CNTNAP3B: variants seen among roughly 807,000 people sequenced by gnomAD.
CNTNAP3B encodes contactin associated protein family member 3B, also known as contactin-associated protein-like 3B.
In CNTNAP3B, 25 loss-of-function variants were observed where a neutral mutation model predicts 108.9. The observed-to-expected ratio is 0.23, with a 90% confidence interval of 0.17 to 0.32. The LOEUF is 0.32. Ranked by LOEUF, CNTNAP3B falls within the 10% of genes least tolerant of loss-of-function variation. CNTNAP3B has a pLI of 1.00. For synonymous variants in CNTNAP3B, 103 were observed against 473.4 expected, an observed-to-expected ratio of 0.22 and a Z score of 10.16; for missense variants, 252 against 1,210.4, an observed-to-expected ratio of 0.21 and a Z score of 11.75.
Position 41,953,235 on chromosome 9 carries a change from G to A in CNTNAP3B, c.2028C>T (p.Cys676=), listed in dbSNP as rs2935317. The change falls in exon 13 of 24, where the codon TGC becomes TGT. Residue 676 remains cysteine (C), a synonymous_variant. Coordinates refer to ENST00000377561, the MANE Select transcript of CNTNAP3B (RefSeq NM_001201380.3). ...LRAAVNLAER[C]EQRLALRCGT... is the part of the protein sequence containing the mutation. ...CGCAGCGCAGAGCCAGCCGCTGCTC[G>A]CAGCGCTCCGCCAGGTTCACCGCGG... The A allele has an allele frequency of 7.2e-6, 11 of 1,527,632 alleles. No homozygotes were observed. Among genetic ancestry groups the A allele is most frequent in the South Asian group, 2.4e-5 (2 of 83,424 alleles). 94.6% of individuals were successfully genotyped at this position (1,527,632 alleles called of 1,614,324 possible). A position where few individuals can be genotyped will look rare whatever the true frequency, so the allele number is the denominator to read the frequency against.
At chr9:42,096,002 C>A (rs1219593451) in intron 2 of CNTNAP3B, among the ~76,000 whole-genome samples, 1 of 138,698 alleles carries the variant, frequency 7.2e-6, no homozygotes, top group Non-Finnish European at 1.5e-5. Context: ...TCTCCTCCCT[C>A]TGCCAGACCT....
chr9:41,930,881 T>A (rs1285083249), intron 14 of CNTNAP3B, among the ~76,000 whole-genome samples: 3 of 152,248 alleles, frequency 2.0e-5, no homozygotes, highest in Admixed American at 6.5e-5. Flanking sequence ...TAACTGTATA[T>A]GTAATAAATA....
chr9:42,118,244 T>C lies in CNTNAP3B; in HGVS notation c.85+10766A>G, dbSNP rs1828368689. On this transcript the variant is annotated intron_variant, in intron 1 of 23. Coordinates refer to ENST00000377561, the MANE Select transcript of CNTNAP3B (RefSeq NM_001201380.3). The stretch of plus-strand genomic sequence containing the variant: ...AACAAAAAAGAGAATTTTAGACCAA[T>C]ATCCTTGATGAACATTGATGCAAAA... 1.4e-5 allele frequency among the ~76,000 whole-genome samples: 2 copies of C among 139,384 alleles called. 1 individual carries two copies. The highest frequency in any genetic ancestry group is 5.7e-5 in the African/African-American group (2 of 35,076). The allele number at this position is 139,384 out of a possible 152,430, so 91.4% of individuals were successfully genotyped here. A position where few individuals can be genotyped will look rare whatever the true frequency, so the allele number is the denominator to read the frequency against.
At chr9:41,934,480 CA>C (rs1824094286) in intron 14 of CNTNAP3B, among the ~76,000 whole-genome samples, 1 of 152,394 alleles carries the variant, frequency 6.6e-6, no homozygotes, top group East Asian at 1.9e-4. Flanking sequence ...CTCGGCCTCC[CA>C]AAGTGCTGGG....
At chr9:41,943,494 A>C (rs1374390419) in intron 13 of CNTNAP3B, among the ~76,000 whole-genome samples, 1 of 152,074 alleles carries the variant, frequency 6.6e-6, no homozygotes, top group African/African-American at 2.4e-5. Context: ...CTGGGACTAC[A>C]GGCGCCTGCC....
intron 13 of CNTNAP3B, among the ~76,000 whole-genome samples, chr9:41,943,070 A>G (rs1190631373): frequency 1.3e-5 from 2 of 152,292 alleles, no homozygotes; most frequent in Non-Finnish European, 2.9e-5. Flanking sequence ...ATAATAATCA[A>G]TATGCTAAGG....
intron 13 of CNTNAP3B, among the ~76,000 whole-genome samples, chr9:41,941,770 A>G (rs1824350959): frequency 1.3e-5 from 2 of 149,784 alleles, no homozygotes; most frequent in South Asian, 2.1e-4. Flanking sequence ...GTAACTGACT[A>G]ATTGATGGAT....
chr9:41,963,948 C>A (rs1357953264), intron 11 of CNTNAP3B, among the ~76,000 whole-genome samples: 3 of 151,850 alleles, frequency 2.0e-5, no homozygotes, highest in Admixed American at 1.3e-4. Flanking sequence ...AATACTTTTA[C>A]AATTATTCAC....
At chr9:41,927,225 TG>T (rs1823846073) in intron 15 of CNTNAP3B, among the ~76,000 whole-genome samples, 1 of 150,934 alleles carries the variant, frequency 6.6e-6, no homozygotes. Context: ...AAGAAGTATG[TG>T]TCTGATTGTG....
At chr9:41,952,943 A>G (rs1824736720) in intron 13 of CNTNAP3B, among the ~76,000 whole-genome samples, 1 of 152,150 alleles carries the variant, frequency 6.6e-6, no homozygotes, top group Non-Finnish European at 1.5e-5. Flanking sequence ...CCCTTGATTA[A>G]GAAAGGACAA....
chr9:41,930,953 G>A (rs1188507828), intron 14 of CNTNAP3B, among the ~76,000 whole-genome samples: 3 of 152,182 alleles, frequency 2.0e-5, no homozygotes, highest in African/African-American at 7.2e-5. Context: ...TATACTTTTG[G>A]TTATATTTTA....
intron 13 of CNTNAP3B, 93 bp downstream of exon 13, chr9:41,953,090 G>C: frequency 7.6e-7 from 1 of 1,311,642 alleles, no homozygotes; most frequent in Non-Finnish European, 1.0e-6. Context: ...CCACGGGAGG[G>C]ACCCTGGCCT....
At chr9:41,934,122 T>TATATATATATATACACACAC (rs1214326050) in intron 14 of CNTNAP3B, among the ~76,000 whole-genome samples, 3 of 73,470 alleles carry the variant, frequency 4.1e-5, no homozygotes, top group African/African-American at 5.9e-5. Context: ...TATATATATA[T>TATATATATATATACACACAC]ACACACACAT....
At chr9:41,913,312 G>C (rs1316653349) in intron 18 of CNTNAP3B, among the ~76,000 whole-genome samples, 2 of 147,194 alleles carry the variant, frequency 1.4e-5, no homozygotes, top group Admixed American at 1.3e-4. Flanking sequence ...GACAATATTT[G>C]TCTTTTGATT....
intron 3 of CNTNAP3B, among the ~76,000 whole-genome samples, chr9:42,023,430 AG>A (rs1826343322): frequency 6.8e-6 from 1 of 147,638 alleles, no homozygotes; most frequent in African/African-American, 2.5e-5. Flanking sequence ...ACCCCAGTAA[AG>A]GTGCTGGTGA....
At chr9:41,921,727 T>C (rs1262144088) in intron 17 of CNTNAP3B, among the ~76,000 whole-genome samples, 1 of 152,028 alleles carries the variant, frequency 6.6e-6, no homozygotes, top group Admixed American at 6.6e-5. Flanking sequence ...TTTAAATAAA[T>C]GGAGTGCAAG....
intron 2 of CNTNAP3B, among the ~76,000 whole-genome samples, chr9:42,077,523 A>G (rs1365201356): frequency 7.5e-6 from 1 of 133,678 alleles, no homozygotes; most frequent in African/African-American, 3.0e-5. Context: ...GAGTTAAAAC[A>G]TAGAGTGCTT....
chr9:42,099,547 G>T (rs977870804), intron 2 of CNTNAP3B, among the ~76,000 whole-genome samples: 1 of 112,168 alleles, frequency 8.9e-6, no homozygotes, highest in Non-Finnish European at 1.8e-5. Context: ...CCCTGAAGAA[G>T]TAAGTAATCC....
chr9:41,952,049 A>G (rs918085117), intron 13 of CNTNAP3B, among the ~76,000 whole-genome samples: 2 of 152,264 alleles, frequency 1.3e-5, no homozygotes, highest in African/African-American at 4.8e-5. Flanking sequence ...ACTGCACTCC[A>G]GCCTGGGTGA....
Sources: allele counts gnomAD v4.1 joint callset (sites outside exome capture counted in the v4.1 genomes callset), GRCh38; gene constraint gnomAD v4.1.1; transcripts MANE v1.5; gene names NCBI Gene and HGNC (gene_info 2026-07-23, HGNC 2026-07-21).